The following TNRC6C variants were observed in gnomAD, a reference collection of about 807,000 sequenced individuals.
TNRC6C encodes the protein trinucleotide repeat containing adaptor 6C.
Under a neutral mutation model 153.7 loss-of-function variants are expected in TNRC6C, and 20 were observed. The ratio of observed to expected loss-of-function variants is 0.13; its 90% CI spans 0.09 to 0.19. TNRC6C has a LOEUF of 0.19. TNRC6C is among the 10% of genes least tolerant of loss of function. The pLI, the probability that TNRC6C is intolerant of heterozygous loss-of-function variation, is 1.00. For synonymous variants in TNRC6C, 811 were observed against 841.4 expected (o/e 0.96, Z 0.63); for missense variants, 1,987 against 2,172.0 (o/e 0.91, Z 1.69).
chr17:78,044,465 G>A (rs971166765), intron 2 of TNRC6C, among the ~76,000 whole-genome samples: 3 of 152,196 alleles, frequency 2.0e-5, no homozygotes, highest in African/African-American at 7.2e-5. Flanking sequence ...CCTTCATGGT[G>A]TTTACAGCCT....
intron 13 of TNRC6C, among the ~76,000 whole-genome samples, chr17:78,090,516 A>G (rs2073374588): frequency 6.6e-6 from 1 of 152,218 alleles, no homozygotes; most frequent in African/African-American, 2.4e-5. Context: ...CTGCAGCTGG[A>G]AATACAAGGG....
At chr17:78,021,622 T>C (rs1403320707) in intron 1 of TNRC6C, among the ~76,000 whole-genome samples, 1 of 152,154 alleles carries the variant, frequency 6.6e-6, no homozygotes, top group African/African-American at 2.4e-5. Context: ...CAGGCTGGAG[T>C]GCGATGGCGC....
rs746632610 is a variant in TNRC6C at position 78,079,466 on chromosome 17, A to C, written c.3282A>C (p.Pro1094=). The C allele has an allele frequency of 6.2e-7, 1 of 1,613,930 alleles. No individual in the cohort carries two copies. The highest frequency in any genetic ancestry group is 1.7e-5 in the Admixed American group (1 of 60,010). Residue 1094 remains proline, a synonymous_variant, in exon 10 of 20, where the codon CCA becomes CCC. Transcript: ENST00000301624. This position sits in a 1 kb window ranked among gnomAD's most constrained non-coding sequence, Gnocchi z 4.3. ...AAGCCAGGACCATGCAGCAGCCGCC[A>C]CAGCCACCAGTGCAGCCTCTTAACT...
At chr17:77,990,046 T>C (rs1306776771) in intron 1 of TNRC6C, among the ~76,000 whole-genome samples, 6 of 152,206 alleles carry the variant, frequency 3.9e-5, no homozygotes, top group African/African-American at 1.4e-4. Flanking sequence ...AGTGTTTATC[T>C]TAGTGAACGG....
At position 78,049,048 on chromosome 17, in the gene TNRC6C, T is replaced by C; in HGVS notation, c.-15T>C. The C allele has an allele frequency of 6.6e-7, 1 of 1,503,828 alleles. No homozygotes were observed. The highest frequency in any genetic ancestry group is 1.4e-5 in the African/African-American group (1 of 71,818). The allele number at this position is 1,503,828 out of a possible 1,614,324, so 93.2% of individuals were successfully genotyped here. A position where few individuals can be genotyped will look rare whatever the true frequency, so the allele number is the denominator to read the frequency against. On this transcript the variant is annotated 5_prime_UTR_variant, in exon 3 of 20. Transcript: ENST00000301624. This position sits in a 1 kb window ranked among gnomAD's most constrained non-coding sequence, Gnocchi z 4.1. ...CACTGACTCTGCCTCCAACTGTGGC[T>C]CAGAGAACAGTAGCATGGCTACAGG...
chr17:77,958,111 G>A (rs999598010), upstream of TNRC6C, among the ~76,000 whole-genome samples: 2 of 152,126 alleles, frequency 1.3e-5, no homozygotes, highest in African/African-American at 4.8e-5. Context: ...GTGCAAAGTG[G>A]GGCGGTGCAG....
intron 1 of TNRC6C, among the ~76,000 whole-genome samples, chr17:78,026,668 T>A (rs2071947463): frequency 6.6e-6 from 1 of 152,146 alleles, no homozygotes; most frequent in African/African-American, 2.4e-5. Context: ...ACGTGGACCT[T>A]GCAGAGAGTT....
chr17:78,038,534 C>T (rs565480114), intron 2 of TNRC6C, among the ~76,000 whole-genome samples: 6 of 151,972 alleles, frequency 3.9e-5, no homozygotes, highest in African/African-American at 1.4e-4. Flanking sequence ...AAAAAATTAG[C>T]CGGGCGTGGT....
chr17:77,997,751 G>A (rs2071350940), intron 1 of TNRC6C, among the ~76,000 whole-genome samples: 1 of 152,016 alleles, frequency 6.6e-6, no homozygotes, highest in South Asian at 2.1e-4. Context: ...CCGCCTCCTG[G>A]GTTCATGCCA....
chr17:78,102,766 T>G, intron 18 of TNRC6C: 1 of 522,562 alleles, frequency 1.9e-6, no homozygotes, highest in Non-Finnish European at 3.4e-6. Context: ...TCCTGGTGAA[T>G]TGTTTGTTTC....
At chr17:78,080,148 T>G (rs1050397787) in intron 10 of TNRC6C, among the ~76,000 whole-genome samples, 10 of 152,176 alleles carry the variant, frequency 6.6e-5, no homozygotes, top group African/African-American at 2.4e-4. Flanking sequence ...CCATAGAGAT[T>G]GTTAAGAAAA....
chr17:78,093,540 G>A, intron 15 of TNRC6C, 80 bp from the exon 18 acceptor site: 2 of 1,548,340 alleles, frequency 1.3e-6, no homozygotes, highest in South Asian at 2.4e-5. Flanking sequence ...CTACAAACAG[G>A]ACAAAACATC....
chr17:78,068,235 G>C (rs552773188), intron 5 of TNRC6C, among the ~76,000 whole-genome samples: 1 of 152,340 alleles, frequency 6.6e-6, no homozygotes, highest in South Asian at 2.1e-4. Flanking sequence ...GCCAGACATA[G>C]AGATTTGCCA....
At position 78,103,562 on chromosome 17, in the gene TNRC6C, T is replaced by C; in HGVS notation, c.4712+9T>C. On this transcript the variant is annotated intron_variant, in intron 19 of 19. Coordinates refer to ENST00000301624, the Ensembl canonical transcript of TNRC6C. Reference sequence around the variant, plus strand: ...CAGAAGTCTCTGCACATGTATGTTTTCTCACAGCCACCTCAGCGCTCCAAG... The same window carrying C: ...CAGAAGTCTCTGCACATGTATGTTTCCTCACAGCCACCTCAGCGCTCCAAG... 8.1e-6 allele frequency: 13 copies of C among 1,613,896 alleles called. No individual in the cohort carries two copies. Among genetic ancestry groups the C allele is most frequent in the Non-Finnish European group, 1.0e-5 (12 of 1,179,850 alleles).
rs148470430 is a variant in TNRC6C, at chr17:77,969,546, G to A, written c.-38+10278G>A. Among the ~76,000 whole-genome samples the A allele has an allele frequency of 3.1e-3, 471 of 152,188 alleles. 2 individuals are homozygous for A. Among genetic ancestry groups the A allele is most frequent in the African/African-American group, 9.4e-3 (390 of 41,502 alleles). ...ATTACAGGCGTGAGTCACCACGCCC[G>A]GCAATTTCCATTATCTTTAAAAATC... On this transcript the variant is annotated intron_variant, in intron 1 of 22. Transcript: ENST00000636222.
chr17:78,049,817 C>T lies in TNRC6C; in HGVS notation c.755C>T (p.Ser252Phe). 1 of 1,610,902 alleles carries T rather than the reference C, an allele frequency of 6.2e-7. No individual in the cohort carries two copies. The highest frequency in any genetic ancestry group is 1.3e-5 in the African/African-American group (1 of 75,026). ...ATAAGCAATTCTGTGTGGGGACTGT[C>T]CCCAGGTAACCCTGCCACAGGAAAT... is the stretch of plus-strand genomic sequence containing the variant. The change falls in exon 3 of 20, where the codon TCC becomes TTC. Residue 252 changes from serine to phenylalanine, a missense_variant. Coordinates refer to ENST00000301624, the Ensembl canonical transcript of TNRC6C. The surrounding 1 kb of genome is among the most constrained non-coding windows in gnomAD (Gnocchi z 4.1).
At chr17:78,038,088 C>A (rs903956078) in intron 2 of TNRC6C, among the ~76,000 whole-genome samples, 1 of 152,032 alleles carries the variant, frequency 6.6e-6, no homozygotes, top group East Asian at 1.9e-4. Flanking sequence ...ATAAGAACTA[C>A]AGAAAGATGA....
chr17:78,074,405 A>G (rs989254940), intron 7 of TNRC6C, among the ~76,000 whole-genome samples: 1 of 152,226 alleles, frequency 6.6e-6, no homozygotes, highest in Non-Finnish European at 1.5e-5. Flanking sequence ...TTACAAGTAC[A>G]GAATTCATGA....
chr17:78,081,527 A>G (rs1377602038), intron 10 of TNRC6C, among the ~76,000 whole-genome samples: 2 of 152,172 alleles, frequency 1.3e-5, no homozygotes, highest in Non-Finnish European at 2.9e-5. Context: ...CACCATAACA[A>G]AGAGGCCTCA....
Sources: gnomAD v4.1 joint callset for allele counts (sites outside exome capture counted in the v4.1 genomes callset) on GRCh38, gnomAD v4.1.1 for gene constraint, Gnocchi (gnomAD v3.1) non-coding constraint, MANE v1.5 for transcripts, NCBI Gene and HGNC (gene_info 2026-07-23, HGNC 2026-07-21) for gene names.